The following SMARCAD1 variants were observed in gnomAD, a reference collection of about 807,000 sequenced individuals.
The protein encoded by SMARCAD1 is SNF2 related chromatin remodeling ATPase with DExD box 1.
In SMARCAD1, 25 loss-of-function variants were observed where a neutral mutation model predicts 127.1. The ratio of observed to expected loss-of-function variants is 0.20; its 90% CI spans 0.14 to 0.27. The LOEUF is 0.27. SMARCAD1 is among the 10% of genes least tolerant of loss of function. SMARCAD1 has a pLI of 1.00. For synonymous variants in SMARCAD1, 400 were observed against 396.9 expected (o/e 1.01, Z -0.09); for missense variants, 807 against 1,206.0 (o/e 0.67, Z 4.90).
At chr4:94,250,926 G>A (rs1749185577) in intron 8 of SMARCAD1, 93 bp downstream of exon 8, 1 of 946,170 alleles carries the variant, frequency 1.1e-6, no homozygotes, top group Admixed American at 2.0e-5. Flanking sequence ...GCTATTAGCT[G>A]TTAATCAGAG....
At chr4:94,274,117 A>C (rs1343228362) in intron 12 of SMARCAD1, among the ~76,000 whole-genome samples, 3 of 152,190 alleles carry the variant, frequency 2.0e-5, no homozygotes, top group African/African-American at 7.2e-5. Context: ...GAATAAGAGA[A>C]TATTTGTACA....
intron 3 of SMARCAD1, among the ~76,000 whole-genome samples, chr4:94,232,261 A>G (rs1030931399): frequency 1.3e-5 from 2 of 152,208 alleles, no homozygotes; most frequent in Non-Finnish European, 2.9e-5. Flanking sequence ...CATTGTCAGC[A>G]TCAATATTTA....
chr4:94,260,436 T>G (rs1445525824), intron 9 of SMARCAD1, among the ~76,000 whole-genome samples: 2 of 152,126 alleles, frequency 1.3e-5, no homozygotes, highest in African/African-American at 2.4e-5. Flanking sequence ...CTCTGCCTCC[T>G]GGGTTCAAGA....
At position 94,208,493 on chromosome 4, in the gene SMARCAD1, T is replaced by C. The variant is rs776794994; in HGVS notation, c.99T>C (p.Ser33=). 2.5e-6 allele frequency: 4 copies of C among 1,614,116 alleles called. No individual in the cohort carries two copies. The South Asian group carries it at 4.4e-5, about 18-fold the overall frequency. ...ATPQPSQPGP[S]SPISLSAEEE... is the part of the protein sequence containing the mutation. ...CTCAACCTTCCCAGCCTGGCCCTTC[T>C]TCACCAATTTCTCTTAGTGCTGAAG... The change falls in exon 2 of 24, where the codon TCT becomes TCC. Residue 33 remains serine (S), a synonymous_variant. Transcript: ENST00000354268.
intron 10 of SMARCAD1, among the ~76,000 whole-genome samples, chr4:94,265,672 C>T (rs1409103645): frequency 6.6e-6 from 1 of 151,482 alleles, no homozygotes; most frequent in Non-Finnish European, 1.5e-5. Flanking sequence ...CAGAACTGTT[C>T]AGAATACTTC....
chr4:94,220,508 A>G (rs1053201268), intron 2 of SMARCAD1, among the ~76,000 whole-genome samples: 1 of 152,108 alleles, frequency 6.6e-6, no homozygotes, highest in African/African-American at 2.4e-5. Flanking sequence ...TCGGCCTCCC[A>G]AAGTGCTGGG....
chr4:94,275,292 T>TA (rs1291559721), intron 14 of SMARCAD1, among the ~76,000 whole-genome samples: 1 of 152,156 alleles, frequency 6.6e-6, no homozygotes, highest in Non-Finnish European at 1.5e-5. Context: ...ATTTTTAACT[T>TA]ACAAATAAGT....
At chr4:94,264,301 T>C (rs1341571620) in intron 9 of SMARCAD1, among the ~76,000 whole-genome samples, 1 of 151,946 alleles carries the variant, frequency 6.6e-6, no homozygotes, top group Non-Finnish European at 1.5e-5. Flanking sequence ...AGATTTGCAG[T>C]GACTACATTT....
At chr4:94,261,218 T>C (rs1750927388) in intron 9 of SMARCAD1, among the ~76,000 whole-genome samples, 1 of 152,194 alleles carries the variant, frequency 6.6e-6, no homozygotes. Context: ...ATCCACTTAG[T>C]ATAATCTAAC....
Position 94,230,197 on chromosome 4 carries a change from T to C in SMARCAD1, c.369-3757T>C, listed in dbSNP as rs563181209. ...AATCAAAACTCTACAAAGGATATACTCAGATCCCTTACTCTCTTTCTGTCC... is the reference window on the plus strand; with the variant it reads ...AATCAAAACTCTACAAAGGATATACCCAGATCCCTTACTCTCTTTCTGTCC... On this transcript the variant is annotated intron_variant, in intron 3 of 23. Coordinates refer to ENST00000354268, the MANE Select transcript of SMARCAD1 (RefSeq NM_020159.5). Among the ~76,000 whole-genome samples, 3 of 152,184 alleles carry C rather than the reference T, an allele frequency of 2.0e-5. No individual in the cohort carries two copies. The South Asian group carries it at 6.2e-4, about 32-fold the overall frequency.
At chr4:94,273,015 G>A (rs1186543004) in intron 11 of SMARCAD1, among the ~76,000 whole-genome samples, 4 of 151,642 alleles carry the variant, frequency 2.6e-5, no homozygotes, top group Admixed American at 6.6e-5. Flanking sequence ...CATGTTGCCC[G>A]GGCTTGTCTC....
chr4:94,276,332 G>A lies in SMARCAD1; in HGVS notation c.1809-7G>A. The A allele has an allele frequency of 1.2e-6, 2 of 1,613,672 alleles. No homozygotes were observed. The highest frequency in any genetic ancestry group is 1.7e-6 in the Non-Finnish European group (2 of 1,179,902). Reference sequence around the variant, plus strand: ...AACCTTAGAGATGTTTTTTCTTTTGGTGACAGATATAACTGTGCGATCAGC... The same window carrying A: ...AACCTTAGAGATGTTTTTTCTTTTGATGACAGATATAACTGTGCGATCAGC... On this transcript the variant is annotated splice_region_variant and splice_polypyrimidine_tract_variant and intron_variant, in intron 14 of 23. Transcript: ENST00000354268.
Position 94,277,152 on chromosome 4 carries a change from C to T in SMARCAD1, c.2075C>T (p.Ser692Phe). The T allele has an allele frequency of 6.2e-7, 1 of 1,613,976 alleles. No homozygotes were observed. The highest frequency in any genetic ancestry group is 8.5e-7 in the Non-Finnish European group (1 of 1,179,906). ...STSEIRRMFSSKTKSADEQSI... is the reference protein window; with the variant it reads ...STSEIRRMFSFKTKSADEQSI... ...AGTGAAATACGAAGAATGTTTTCCT[C>T]TAAGACAGTAAGCATAAATGCATAT... is the stretch of plus-strand genomic sequence containing the variant. The change falls in exon 16 of 24, where the codon TCT becomes TTT. Residue 692 changes from serine (S) to phenylalanine (F), a missense_variant. Ser to Phe is a radical substitution (Grantham distance 155). Coordinates refer to ENST00000354268, the MANE Select transcript of SMARCAD1 (RefSeq NM_020159.5).
rs1198239796 is a variant in SMARCAD1 at position 94,284,337 on chromosome 4, A to AAAAG, written c.2910-620_2910-619insGAAA. Among the ~76,000 whole-genome samples, 6 of 103,288 alleles carry AAAAG rather than the reference A, an allele frequency of 5.8e-5. 1 individual carries two copies. The highest frequency in any genetic ancestry group is 1.3e-4 in the Non-Finnish European group (6 of 44,874). The allele number at this position is 103,288 out of a possible 152,430, so 67.8% of individuals were successfully genotyped here. ...GCAAGACTCCGTCTCAAAAAAAAAA[A>AAAAG]AAAAAAAAAAAAAAAAGAAAAAAGT... On this transcript the variant is annotated intron_variant, in intron 22 of 23. Coordinates refer to ENST00000354268, the MANE Select transcript of SMARCAD1 (RefSeq NM_020159.5).
At chr4:94,226,710 C>A (rs1745074768) in intron 3 of SMARCAD1, among the ~76,000 whole-genome samples, 1 of 151,970 alleles carries the variant, frequency 6.6e-6, no homozygotes, top group Non-Finnish European at 1.5e-5. Flanking sequence ...ATTAGAAATA[C>A]AACAGTGAAC....
intron 9 of SMARCAD1, among the ~76,000 whole-genome samples, chr4:94,261,806 T>C (rs187645094): frequency 1.9e-3 from 290 of 152,246 alleles, no homozygotes; most frequent in Admixed American, 5.1e-3. Context: ...GATGGAGTTC[T>C]GCCATGTTGC....
At chr4:94,282,100 G>GTTTTTGT (rs1754137129) in intron 21 of SMARCAD1, among the ~76,000 whole-genome samples, 6 of 74,960 alleles carry the variant, frequency 8.0e-5, no homozygotes, top group Admixed American at 2.4e-4. Flanking sequence ...ACGTTTTTTT[G>GTTTTTGT]TTTTTTTTTT....
intron 19 of SMARCAD1, among the ~76,000 whole-genome samples, chr4:94,279,943 C>A (rs1389306470): frequency 6.6e-6 from 1 of 152,088 alleles, no homozygotes; most frequent in Non-Finnish European, 1.5e-5. Flanking sequence ...CTGCTCACTG[C>A]ACCCTCCGCC....
At chr4:94,253,363 C>T (rs1226846684) in intron 9 of SMARCAD1, 2 of 1,297,736 alleles carry the variant, frequency 1.5e-6, no homozygotes, top group East Asian at 5.2e-5. Context: ...TGCTGAGACA[C>T]CATGCAGAAA....
Sources: gnomAD v4.1 joint callset for allele counts (sites outside exome capture counted in the v4.1 genomes callset) on GRCh38, gnomAD v4.1.1 for gene constraint, MANE v1.5 for transcripts, NCBI Gene and HGNC (gene_info 2026-07-23, HGNC 2026-07-21) for gene names.